The following AHCTF1 variants were observed in gnomAD, a reference collection of about 807,000 sequenced individuals.
AHCTF1 encodes the protein protein ELYS.
Under a neutral mutation model 248.4 loss-of-function variants are expected in AHCTF1, and 24 were observed. The observed-to-expected ratio is 0.10, with a 90% CI of 0.07 to 0.14. AHCTF1 has a LOEUF of 0.14. AHCTF1 is among the 10% of genes least tolerant of loss of function. The pLI, the probability that AHCTF1 is intolerant of heterozygous loss-of-function variation, is 1.00. For synonymous variants in AHCTF1, 786 were observed against 929.8 expected (o/e 0.85, Z 2.81); for missense variants, 2,206 against 2,636.2 (o/e 0.84, Z 3.57).
At chr1:246,913,132 T>C in intron 4 of AHCTF1, 100 bp downstream of exon 4, 6 of 1,012,470 alleles carry the variant, frequency 5.9e-6, no homozygotes, top group Non-Finnish European at 8.3e-6. Flanking sequence ...ATATCTTTTA[T>C]TTTACTCCAG....
At chr1:246,909,646 A>C (rs937558639) in intron 4 of AHCTF1, among the ~76,000 whole-genome samples, 1 of 152,178 alleles carries the variant, frequency 6.6e-6, no homozygotes, top group African/African-American at 2.4e-5. Flanking sequence ...AGATATGCCA[A>C]AGAGAAGCTG....
intron 4 of AHCTF1, among the ~76,000 whole-genome samples, chr1:246,910,332 T>G (rs1379500208): frequency 6.6e-6 from 1 of 152,242 alleles, no homozygotes; most frequent in Admixed American, 6.5e-5. Flanking sequence ...CAGACTGTAT[T>G]TGAATTCCAA....
intron 24 of AHCTF1, among the ~76,000 whole-genome samples, chr1:246,868,828 A>C (rs1199776097): frequency 7.0e-6 from 1 of 143,356 alleles, no homozygotes; most frequent in African/African-American, 2.7e-5. Flanking sequence ...GCTTTGCTTC[A>C]TTGTGTGTGT....
At chr1:246,849,520 A>G in intron 33 of AHCTF1, 95 bp downstream of exon 33, 2 of 1,488,188 alleles carry the variant, frequency 1.3e-6, no homozygotes, top group East Asian at 2.3e-5. Flanking sequence ...GGAAGGGGAA[A>G]AATTCCCTAT....
intron 12 of AHCTF1, among the ~76,000 whole-genome samples, chr1:246,897,890 G>A (rs193024688): frequency 1.6e-3 from 131 of 80,938 alleles, no homozygotes; most frequent in African/African-American, 6.4e-3. Flanking sequence ...GGGGTGGGAA[G>A]ATCGCTTAAG....
chr1:246,875,684 A>T lies in AHCTF1; in HGVS notation c.3088+353T>A, dbSNP rs536110311. ...CAGCAGCCATCAACATTGAGACAAG[A>T]TCCTTTATTAGCAAAAGGATTACGA... On this transcript the variant is annotated intron_variant, in intron 24 of 35. Transcript: ENST00000648844. Among the ~76,000 whole-genome samples, 3 of 152,202 alleles carry T rather than the reference A, an allele frequency of 2.0e-5. No homozygotes were observed. The South Asian group carries it at 6.2e-4, about 31-fold the overall frequency.
At chr1:246,881,324 G>C (rs1239442034) in intron 21 of AHCTF1, among the ~76,000 whole-genome samples, 1 of 152,132 alleles carries the variant, frequency 6.6e-6, no homozygotes, top group Non-Finnish European at 1.5e-5. Flanking sequence ...GTGAGGAACT[G>C]AGACATCCAC....
intron 21 of AHCTF1, among the ~76,000 whole-genome samples, chr1:246,877,799 C>T (rs1264259522): frequency 6.6e-6 from 1 of 152,118 alleles, no homozygotes; most frequent in African/African-American, 2.4e-5. Flanking sequence ...TTGGCAGTCT[C>T]AGACACCATG....
intron 14 of AHCTF1, among the ~76,000 whole-genome samples, chr1:246,892,340 C>T (rs1479466186): frequency 1.0e-5 from 1 of 98,512 alleles, no homozygotes; most frequent in Admixed American, 1.7e-4. Context: ...TTGGAGACAG[C>T]ATCTTGCTCT....
At chr1:246,879,534 A>G (rs1228239942) in intron 21 of AHCTF1, among the ~76,000 whole-genome samples, 1 of 152,184 alleles carries the variant, frequency 6.6e-6, no homozygotes, top group Non-Finnish European at 1.5e-5. Context: ...AGAACTATTA[A>G]TAATTAGGGC....
chr1:246,856,354 A>G (rs1447970642), intron 30 of AHCTF1, among the ~76,000 whole-genome samples: 2 of 152,222 alleles, frequency 1.3e-5, no homozygotes, highest in South Asian at 2.1e-4. Context: ...TCAAAACCCA[A>G]TTAAAGCATG....
chr1:246,884,835 C>G (rs1663700030), intron 21 of AHCTF1, among the ~76,000 whole-genome samples: 2 of 152,146 alleles, frequency 1.3e-5, no homozygotes, highest in Non-Finnish European at 2.9e-5. Flanking sequence ...AGGGCAAATG[C>G]AATGACAAAA....
chr1:246,912,468 C>T (rs1416527304), intron 4 of AHCTF1, among the ~76,000 whole-genome samples: 1 of 150,268 alleles, frequency 6.7e-6, no homozygotes, highest in South Asian at 2.1e-4. Flanking sequence ...GGCAACAGAG[C>T]GAGACGCCGT....
intron 3 of AHCTF1, among the ~76,000 whole-genome samples, chr1:246,915,113 C>A (rs1422259668): frequency 1.3e-5 from 2 of 152,126 alleles, no homozygotes; most frequent in Non-Finnish European, 2.9e-5. Flanking sequence ...AGGTGGATCA[C>A]GAGGTCAAGA....
chr1:246,904,323 A>G (rs1665231046), intron 6 of AHCTF1, among the ~76,000 whole-genome samples: 4 of 152,214 alleles, frequency 2.6e-5, no homozygotes. Flanking sequence ...TTCCTTCCTC[A>G]ATGGTTATAC....
chr1:246,846,776 A>T (rs1660297825), intron 33 of AHCTF1, among the ~76,000 whole-genome samples: 2 of 151,954 alleles, frequency 1.3e-5, no homozygotes, highest in Admixed American at 6.6e-5. Flanking sequence ...TGGGGAGGTG[A>T]CAGGATCTCA....
chr1:246,888,180 A>C lies in AHCTF1; in HGVS notation c.2322T>G (p.Ser774=). The change falls in exon 19 of 36, where the codon TCT becomes TCG. Residue 774 remains serine, a synonymous_variant. Transcript: ENST00000648844. ...LDGVTEAAKH[S]ITIYLLLDIM... The stretch of plus-strand genomic sequence containing the variant: ...TGGATAAAACTTAAAAGGATACAAT[A>C]GAGTGTTTGGCTGCTTCAGTAACGC... The C allele has an allele frequency of 6.2e-7, 1 of 1,614,018 alleles. No individual in the cohort carries two copies. Among genetic ancestry groups the C allele is most frequent in the African/African-American group, 1.3e-5 (1 of 75,054 alleles).
At chr1:246,854,750 CA>C (rs1439090662) in intron 31 of AHCTF1, among the ~76,000 whole-genome samples, 1 of 150,544 alleles carries the variant, frequency 6.6e-6, no homozygotes, top group Non-Finnish European at 1.5e-5. Flanking sequence ...ATTTTACCAA[CA>C]AAAAAAAATA....
At chr1:246,910,549 A>T (rs1665728271) in intron 4 of AHCTF1, among the ~76,000 whole-genome samples, 1 of 152,222 alleles carries the variant, frequency 6.6e-6, no homozygotes, top group Admixed American at 6.5e-5. Flanking sequence ...AAATGTTGAA[A>T]ATTAACTTGA....
Sources: gnomAD v4.1 joint callset for allele counts (sites outside exome capture counted in the v4.1 genomes callset) on GRCh38, gnomAD v4.1.1 for gene constraint, MANE v1.5 for transcripts, NCBI Gene and HGNC (gene_info 2026-07-23, HGNC 2026-07-21) for gene names.